Variants in PALS1 observed in about 807,000 individuals in gnomAD.
PALS1 encodes protein associated with LIN7 1, MAGUK p55 family member.
In PALS1, 31 loss-of-function variants were observed where a neutral mutation model predicts 78.9. That is an observed-to-expected ratio of 0.39 (90% CI 0.30 to 0.53). PALS1 has a LOEUF of 0.53. Ranked by LOEUF, PALS1 falls within the 20% of genes least tolerant of loss-of-function variation. The pLI, the probability that PALS1 is intolerant of heterozygous loss-of-function variation, is 0.67. For missense variants in PALS1, 704 were observed against 826.5 expected, an observed-to-expected ratio of 0.85 and a Z score of 1.82; for synonymous variants, 276 against 270.9, an observed-to-expected ratio of 1.02 and a Z score of -0.18.
At position 67,251,320 on chromosome 14, in the gene PALS1, C is replaced by G. The variant is rs1046239788; in HGVS notation, c.-237+9787C>G. 7.1e-4 allele frequency among the ~76,000 whole-genome samples: 108 copies of G among 152,238 alleles called. 1 individual carries two copies. Among genetic ancestry groups the G allele is most frequent in the African/African-American group, 2.3e-3 (94 of 41,546 alleles). Reference sequence around the variant, plus strand: ...GGCCGAGGCAGGAGGACCGCTTGAGCCCAGGAGTTTGAGACCAACCTGGGC... The same window carrying G: ...GGCCGAGGCAGGAGGACCGCTTGAGGCCAGGAGTTTGAGACCAACCTGGGC... On this transcript the variant is annotated intron_variant, in intron 1 of 14. Coordinates refer to ENST00000261681, the MANE Select transcript of PALS1 (RefSeq NM_022474.4).
intron 11 of PALS1, among the ~76,000 whole-genome samples, chr14:67,318,399 T>G (rs2085211374): frequency 1.3e-5 from 2 of 152,206 alleles, no homozygotes; most frequent in African/African-American, 4.8e-5. Flanking sequence ...GTTTTAAATT[T>G]TATCCTCTAT....
chr14:67,257,423 G>A (rs2084161408), intron 1 of PALS1, among the ~76,000 whole-genome samples: 1 of 152,104 alleles, frequency 6.6e-6, no homozygotes, highest in African/African-American at 2.4e-5. Flanking sequence ...GTCTGACATA[G>A]TTCCCAGCTT....
At chr14:67,267,398 A>G (rs7142542) in intron 1 of PALS1, among the ~76,000 whole-genome samples, 12 of 151,942 alleles carry the variant, frequency 7.9e-5, no homozygotes, top group African/African-American at 2.9e-4. Flanking sequence ...AGCTGGGATT[A>G]CAGGCATGCA....
At chr14:67,247,019 G>T (rs544230138) in intron 1 of PALS1, among the ~76,000 whole-genome samples, 49 of 152,202 alleles carry the variant, frequency 3.2e-4, no homozygotes, top group African/African-American at 7.5e-4. Context: ...TTTCAAAATT[G>T]TTATGACTAT....
intron 14 of PALS1, 35 bp from the exon 15 acceptor site, chr14:67,332,745 G>A (rs1237558784): frequency 6.3e-7 from 1 of 1,578,322 alleles, no homozygotes; most frequent in Non-Finnish European, 8.6e-7. Context: ...GGTTAGGAAA[G>A]GAATTATCTC....
chr14:67,296,442 T>C (rs1380623199), intron 4 of PALS1, among the ~76,000 whole-genome samples: 1 of 151,360 alleles, frequency 6.6e-6, no homozygotes, highest in Non-Finnish European at 1.5e-5. Flanking sequence ...CTACTAAAAA[T>C]ACAAAAAAAT....
intron 1 of PALS1, among the ~76,000 whole-genome samples, chr14:67,242,475 AT>A (rs1443739907): frequency 6.6e-6 from 1 of 152,238 alleles, no homozygotes; most frequent in Non-Finnish European, 1.5e-5. Flanking sequence ...TGTTTTAATG[AT>A]AGTTTACTAA....
intron 1 of PALS1, among the ~76,000 whole-genome samples, chr14:67,260,706 A>G (rs2084221915): frequency 6.6e-6 from 1 of 152,206 alleles, no homozygotes; most frequent in South Asian, 2.1e-4. Flanking sequence ...ACAAAATATA[A>G]GCAGTATGTC....
chr14:67,319,725 G>A (rs1232217723), intron 11 of PALS1, among the ~76,000 whole-genome samples: 4 of 152,150 alleles, frequency 2.6e-5, no homozygotes, highest in Non-Finnish European at 5.9e-5. Context: ...CATGGGCCAC[G>A]GGTTGGACGA....
chr14:67,302,088 T>G lies in PALS1; in HGVS notation c.771T>G (p.Val257=). The G allele has an allele frequency of 6.2e-7, 1 of 1,607,900 alleles. No homozygotes were observed. Among genetic ancestry groups the G allele is most frequent in the Non-Finnish European group, 8.5e-7 (1 of 1,177,218 alleles). Residue 257 remains valine (V), a synonymous_variant, in exon 6 of 15, where the codon GTT becomes GTG. Coordinates refer to ENST00000261681, the MANE Select transcript of PALS1 (RefSeq NM_022474.4). ...ATGGAGGAGAAACTGTAAAAATAGT[T>G]CGTATAGAAAAGGCTCGTGATATTC... ...GQYGGETVKI[V]RIEKARDIPL... is the part of the protein sequence containing the mutation.
chr14:67,291,170 G>T (rs1425007710), intron 3 of PALS1, among the ~76,000 whole-genome samples: 1 of 150,964 alleles, frequency 6.6e-6, no homozygotes, highest in Non-Finnish European at 1.5e-5. Context: ...ATATGACAGA[G>T]TATATGTGCG....
At chr14:67,273,258 G>A (rs1268735279) in intron 2 of PALS1, among the ~76,000 whole-genome samples, 6 of 151,380 alleles carry the variant, frequency 4.0e-5, no homozygotes, top group Non-Finnish European at 7.4e-5. Context: ...TAATGCTATC[G>A]CTCCCCCCTC....
At chr14:67,327,024 A>G (rs191959311) in intron 14 of PALS1, among the ~76,000 whole-genome samples, 1,811 of 152,228 alleles carry the variant, frequency 0.012, 19 homozygotes, top group Non-Finnish European at 0.018. Context: ...AAAATACAAA[A>G]GTTAGCCGGG....
chr14:67,275,721 G>A (rs1048302970), intron 2 of PALS1, among the ~76,000 whole-genome samples: 3 of 152,118 alleles, frequency 2.0e-5, no homozygotes, highest in South Asian at 2.1e-4. Flanking sequence ...TGTACCTCTC[G>A]TAGAATTTGG....
Position 67,292,629 on chromosome 14 carries a change from A to T in PALS1, c.486A>T (p.Ala162=). 6.2e-7 allele frequency: 1 copy of T among 1,613,810 alleles called. No individual in the cohort carries two copies. Among genetic ancestry groups the T allele is most frequent in the Non-Finnish European group, 8.5e-7 (1 of 1,179,804 alleles). ...TTCAAAATAAGGATTTCCAGAATGC[A>T]TTTAAGATACACAATGCCATCACAG... ...QLVQNKDFQN[A]FKIHNAITVH... is the part of the protein sequence containing the mutation. The change falls in exon 4 of 15, where the codon GCA becomes GCT. Residue 162 remains alanine (A), a synonymous_variant. Coordinates refer to ENST00000261681, the MANE Select transcript of PALS1 (RefSeq NM_022474.4).
intron 2 of PALS1, among the ~76,000 whole-genome samples, chr14:67,274,539 TTG>T (rs2084466138): frequency 6.6e-6 from 1 of 152,220 alleles, no homozygotes; most frequent in Admixed American, 6.5e-5. Flanking sequence ...GTAGTATAGT[TTG>T]AAGTTGGATA....
chr14:67,303,259 G>A (rs1160457850), intron 7 of PALS1, among the ~76,000 whole-genome samples: 1 of 152,150 alleles, frequency 6.6e-6, no homozygotes, highest in Non-Finnish European at 1.5e-5. Context: ...GCACAGACTA[G>A]ATTTATGGTC....
At chr14:67,259,559 C>T (rs1363879080) in intron 1 of PALS1, among the ~76,000 whole-genome samples, 1 of 151,842 alleles carries the variant, frequency 6.6e-6, no homozygotes, top group Non-Finnish European at 1.5e-5. Context: ...TTGCAGTGAG[C>T]CAAGATTGAG....
At chr14:67,303,394 GTGC>G in intron 7 of PALS1, 125 bp from the exon 8 acceptor site, 1 of 676,434 alleles carries the variant, frequency 1.5e-6, no homozygotes, top group Non-Finnish European at 2.6e-6. Flanking sequence ...GTAGAGCAAA[GTGC>G]TGCTGGTCAT....
Sources: gnomAD v4.1 joint callset for allele counts (sites outside exome capture counted in the v4.1 genomes callset) on GRCh38, gnomAD v4.1.1 for gene constraint, MANE v1.5 for transcripts, NCBI Gene and HGNC (gene_info 2026-07-23, HGNC 2026-07-21) for gene names.